Variants in SLC22A9 observed in about 807,000 individuals in gnomAD.
The protein encoded by SLC22A9 is solute carrier family 22 member 9, also known as organic anion transporter 7.
In SLC22A9, 64 loss-of-function variants were observed where a neutral mutation model predicts 50.1. The observed-to-expected ratio is 1.28, with a 90% CI of 1.04 to 1.57. The LOEUF is 1.57. SLC22A9 is among the 40% of genes most tolerant of loss of function. SLC22A9 has a pLI of 0.00. For synonymous variants in SLC22A9, 261 were observed against 242.5 expected (o/e 1.08, Z -0.71); for missense variants, 757 against 676.1 (o/e 1.12, Z -1.33).
intron 6 of SLC22A9, among the ~76,000 whole-genome samples, chr11:63,391,583 G>A (rs2014764892): frequency 1.3e-5 from 2 of 151,502 alleles, no homozygotes; most frequent in African/African-American, 4.8e-5. Flanking sequence ...TCTCTTTTTA[G>A]ACTTTTGCCT....
intron 6 of SLC22A9, among the ~76,000 whole-genome samples, chr11:63,393,838 T>G (rs2014806089): frequency 6.6e-6 from 1 of 152,174 alleles, no homozygotes; most frequent in Non-Finnish European, 1.5e-5. Flanking sequence ...ATTTGAATGT[T>G]GGCCTGTCTT....
chr11:63,381,640 A>G (rs1338022359), intron 5 of SLC22A9, among the ~76,000 whole-genome samples: 6 of 152,128 alleles, frequency 3.9e-5, no homozygotes, highest in African/African-American at 1.4e-4. Context: ...TCATGGAAGC[A>G]TGAGATTAGG....
chr11:63,395,322 T>C (rs1293717767), intron 6 of SLC22A9, among the ~76,000 whole-genome samples: 2 of 152,086 alleles, frequency 1.3e-5, no homozygotes, highest in Non-Finnish European at 2.9e-5. Flanking sequence ...CCTTGTTTTG[T>C]CATTTTACCA....
chr11:63,408,775 G>T lies in SLC22A9; in HGVS notation c.1497G>T (p.Trp499Cys), dbSNP rs374697464. ...ILSVYSPPLP[W>C]IIYGVFPFIS... is the part of the protein sequence containing the mutation. ...GTGTGTATTCTCCACCCCTGCCCTG[G>T]ATCATCTATGGAGTCTTCCCCTTCA... The change falls in exon 9 of 10, where the codon TGG (tryptophan) becomes TGT (cysteine). Residue 499 changes from tryptophan to cysteine, a missense_variant. Trp to Cys is a radical substitution (Grantham distance 215). Transcript: ENST00000279178. 1.2e-6 allele frequency: 2 copies of T among 1,613,938 alleles called. No homozygotes were observed. Among genetic ancestry groups the T allele is most frequent in the Non-Finnish European group, 1.7e-6 (2 of 1,179,924 alleles).
intron 9 of SLC22A9, among the ~76,000 whole-genome samples, chr11:63,409,212 C>G (rs1041823435): frequency 1.3e-5 from 2 of 152,060 alleles, no homozygotes; most frequent in African/African-American, 2.4e-5. Context: ...TGCAGAGATC[C>G]AAACACCAGA....
At chr11:63,401,978 T>C (rs1300503441) in intron 6 of SLC22A9, among the ~76,000 whole-genome samples, 1 of 152,086 alleles carries the variant, frequency 6.6e-6, no homozygotes, top group Non-Finnish European at 1.5e-5. Context: ...TTATTGTTGC[T>C]TTATTTGAGT....
At chr11:63,398,546 C>T (rs952706271) in intron 6 of SLC22A9, among the ~76,000 whole-genome samples, 3 of 151,828 alleles carry the variant, frequency 2.0e-5, no homozygotes, top group East Asian at 1.9e-4. Context: ...GGTCTAAATG[C>T]TCCCTCCATG....
intron 6 of SLC22A9, among the ~76,000 whole-genome samples, chr11:63,396,344 G>A (rs370133938): frequency 3.3e-5 from 5 of 152,194 alleles, no homozygotes; most frequent in East Asian, 1.9e-4. Flanking sequence ...TGGCATGGGG[G>A]CCTAGCAAGC....
At chr11:63,383,214 TCCA>T (rs1283761813) in intron 6 of SLC22A9, among the ~76,000 whole-genome samples, 6 of 152,138 alleles carry the variant, frequency 3.9e-5, no homozygotes, top group African/African-American at 7.2e-5. Context: ...GCAGTATGTG[TCCA>T]ACATTCTAAT....
rs565459216 is a variant in SLC22A9 at position 63,392,173 on chromosome 11, C to T, written c.1073+9896C>T. 3.9e-5 allele frequency among the ~76,000 whole-genome samples: 6 copies of T among 151,980 alleles called. No homozygotes were observed. The South Asian group carries it at 6.2e-4, about 16-fold the overall frequency. On this transcript the variant is annotated intron_variant, in intron 6 of 9. Coordinates refer to ENST00000279178, the MANE Select transcript of SLC22A9 (RefSeq NM_080866.3). ...TTGTTTTTAAATCTTACTGTATTTT[C>T]CATGTCTGAAATTTATTCATTATTT...
intron 6 of SLC22A9, among the ~76,000 whole-genome samples, chr11:63,403,201 T>A (rs759180409): frequency 7.2e-5 from 11 of 152,070 alleles, no homozygotes; most frequent in Non-Finnish European, 1.2e-4. Context: ...AAGAGAGAAT[T>A]TTGAAAGCAG....
intron 8 of SLC22A9, 87 bp from the exon 9 acceptor site, chr11:63,408,589 C>G (rs1018773983): frequency 8.4e-7 from 1 of 1,187,534 alleles, no homozygotes; most frequent in Non-Finnish European, 1.2e-6. Flanking sequence ...TCTAAATGTT[C>G]CCCCATAATT....
rs368039654 is a variant in SLC22A9 at position 63,369,911 on chromosome 11, GA to G, written c.-145del. Reference sequence around the variant, plus strand: ...AAACTGTTTCCACGGTCCTGCTGCAGAGGGGAAGCACAGTCGTCAAGAAGAG... The same window carrying G: ...AAACTGTTTCCACGGTCCTGCTGCAGGGGGAAGCACAGTCGTCAAGAAGAG... On this transcript the variant is annotated 5_prime_UTR_variant, in exon 1 of 10. Transcript: ENST00000279178. 1.4e-5 allele frequency: 11 copies of G among 777,798 alleles called. No individual in the cohort carries two copies. The highest frequency in any genetic ancestry group is 2.0e-5 in the Non-Finnish European group (10 of 508,144). The allele number at this position is 777,798 out of a possible 1,614,324, so 48.2% of individuals were successfully genotyped here. A position where few individuals can be genotyped will look rare whatever the true frequency, so the allele number is the denominator to read the frequency against.
intron 7 of SLC22A9, 97 bp from the exon 8 acceptor site, chr11:63,408,015 G>A (rs186328235): frequency 1.8e-4 from 170 of 926,644 alleles, no homozygotes; most frequent in South Asian, 6.8e-4. Context: ...TTTAACCCTT[G>A]CAAACACCTC....
intron 6 of SLC22A9, among the ~76,000 whole-genome samples, chr11:63,385,548 T>C (rs1318915455): frequency 6.6e-6 from 1 of 152,148 alleles, no homozygotes. Flanking sequence ...TTATTCTCTT[T>C]GCAGCAATTG....
At chr11:63,383,278 G>T (rs1258493326) in intron 6 of SLC22A9, among the ~76,000 whole-genome samples, 1 of 152,166 alleles carries the variant, frequency 6.6e-6, no homozygotes, top group Non-Finnish European at 1.5e-5. Context: ...CACCCGGGAT[G>T]CCAATGGGAC....
At chr11:63,404,897 G>C (rs773929232) in intron 6 of SLC22A9, among the ~76,000 whole-genome samples, 1 of 152,064 alleles carries the variant, frequency 6.6e-6, no homozygotes, top group Admixed American at 6.6e-5. Flanking sequence ...GACAGAAAGC[G>C]TAAATTCAGT....
At chr11:63,377,172 C>G (rs115496884) in intron 5 of SLC22A9, among the ~76,000 whole-genome samples, 1 of 152,004 alleles carries the variant, frequency 6.6e-6, no homozygotes, top group Non-Finnish European at 1.5e-5. Context: ...TGTTCAGGAA[C>G]TAAACTCAAC....
intron 5 of SLC22A9, among the ~76,000 whole-genome samples, chr11:63,377,991 G>A (rs2014494095): frequency 1.3e-5 from 2 of 151,906 alleles, no homozygotes; most frequent in Non-Finnish European, 2.9e-5. Flanking sequence ...TCCCAATATT[G>A]AATCAGAAAT....
Sources: gnomAD v4.1 joint callset for allele counts (sites outside exome capture counted in the v4.1 genomes callset) on GRCh38, gnomAD v4.1.1 for gene constraint, MANE v1.5 for transcripts, NCBI Gene and HGNC (gene_info 2026-07-23, HGNC 2026-07-21) for gene names.